BTG4: variants seen among roughly 807,000 people sequenced by gnomAD.
BTG4 encodes protein BTG4.
BTG4 carries 10 observed loss-of-function variants against 19.3 expected under a neutral mutation model. That is an observed-to-expected ratio of 0.52 (90% CI 0.32 to 0.88). The LOEUF is 0.88. BTG4 is among the 40% of genes least tolerant of loss of function. The pLI is 0.04. For missense variants in BTG4, 238 were observed against 281.9 expected (o/e 0.84, Z 1.11); for synonymous variants, 91 against 95.7 (o/e 0.95, Z 0.29).
the BTG4 span, among the ~76,000 whole-genome samples, chr11:111,419,850 C>G: frequency 3.1e-4 from 47 of 152,236 alleles, no homozygotes; most frequent in Admixed American, 7.2e-4. Flanking sequence ...CCCAGAGTCA[C>G]TCTTCACTAT....
At chr11:111,390,374 G>A in the BTG4 span, among the ~76,000 whole-genome samples, 3 of 152,186 alleles carry the variant, frequency 2.0e-5, no homozygotes, top group Admixed American at 6.5e-5. Flanking sequence ...CAGTGGAAGT[G>A]GGGAGAGGTA....
the BTG4 span, among the ~76,000 whole-genome samples, chr11:111,406,404 A>G: frequency 2.1e-3 from 327 of 152,294 alleles, no homozygotes; most frequent in African/African-American, 7.7e-3. Flanking sequence ...ACAGAGCACC[A>G]TCTCTCTTTG....
At chr11:111,513,625 A>T (rs1023758340), upstream of BTG4, 2 of 393,938 alleles carry the variant, frequency 5.1e-6, no homozygotes, top group Non-Finnish European at 1.0e-5. Flanking sequence ...AGCCAAAAGA[A>T]AAAAATCAAC....
downstream of BTG4, among the ~76,000 whole-genome samples, chr11:111,490,413 T>G (rs960700203): frequency 2.6e-5 from 4 of 152,132 alleles, no homozygotes; most frequent in Non-Finnish European, 5.9e-5. Context: ...AAACATCACA[T>G]GTACTCCACA....
chr11:111,493,652 G>A (rs1173602036), downstream of BTG4, among the ~76,000 whole-genome samples: 2 of 152,100 alleles, frequency 1.3e-5, no homozygotes, highest in Admixed American at 1.3e-4. Context: ...TGCCTTGAGA[G>A]AAATCTAGGG....
chr11:111,391,067 GT>G, the BTG4 span, among the ~76,000 whole-genome samples: 3 of 152,222 alleles, frequency 2.0e-5, no homozygotes, highest in Non-Finnish European at 4.4e-5. Flanking sequence ...AATAGAGTAT[GT>G]GCTCGATAAA....
intron 4 of BTG4, chr11:111,496,908 T>A: frequency 2.9e-6 from 1 of 347,964 alleles, no homozygotes. Flanking sequence ...AAAATCCCAC[T>A]AATCTTAATC....
the BTG4 span, chr11:111,397,584 A>G: frequency 3.9e-5 from 6 of 152,134 alleles, no homozygotes; most frequent in African/African-American, 1.4e-4. Context: ...ACTTACCCAG[A>G]GAGGACTTAT....
chr11:111,486,209 G>A (rs902953107), intron 5 of BTG4, among the ~76,000 whole-genome samples: 2 of 152,176 alleles, frequency 1.3e-5, no homozygotes, highest in Non-Finnish European at 2.9e-5. Context: ...GCCAAGGTGG[G>A]TAGATCACTT....
upstream of BTG4, among the ~76,000 whole-genome samples, chr11:111,512,761 G>A (rs1182737349): frequency 2.0e-5 from 3 of 152,036 alleles, no homozygotes; most frequent in African/African-American, 4.8e-5. Context: ...CGCTGGCCCA[G>A]CTACGCGTGT....
At chr11:111,391,187 C>T in the BTG4 span, among the ~76,000 whole-genome samples, 1 of 152,172 alleles carries the variant, frequency 6.6e-6, no homozygotes, top group Non-Finnish European at 1.5e-5. Flanking sequence ...TCCAGCCCAA[C>T]TATGTTAACG....
At chr11:111,430,882 C>A in the BTG4 span, among the ~76,000 whole-genome samples, 4 of 152,188 alleles carry the variant, frequency 2.6e-5, no homozygotes, top group Non-Finnish European at 5.9e-5. Flanking sequence ...TTTCACATCA[C>A]AATGCAACCC....
downstream of BTG4, chr11:111,494,741 A>G: frequency 2.9e-6 from 1 of 350,226 alleles, no homozygotes. Context: ...GCCTTTACAA[A>G]GATAGGGAGA....
chr11:111,438,877 A>G, the BTG4 span, among the ~76,000 whole-genome samples: 1 of 152,058 alleles, frequency 6.6e-6, no homozygotes, highest in Non-Finnish European at 1.5e-5. Flanking sequence ...TTCCATTTAT[A>G]CCTTCCCGGT....
the BTG4 span, among the ~76,000 whole-genome samples, chr11:111,398,792 T>G: frequency 1.3e-5 from 2 of 152,268 alleles, no homozygotes; most frequent in East Asian, 1.9e-4. Context: ...TTTTTGTTTT[T>G]TTTTTTAACA....
intron 5 of BTG4, among the ~76,000 whole-genome samples, chr11:111,479,364 C>T (rs533134219): frequency 6.6e-6 from 1 of 152,160 alleles, no homozygotes; most frequent in South Asian, 2.1e-4. Context: ...AATCCCAACA[C>T]TTCTGGAGGC....
the BTG4 span, among the ~76,000 whole-genome samples, chr11:111,440,223 G>A: frequency 6.6e-6 from 1 of 152,202 alleles, no homozygotes; most frequent in Non-Finnish European, 1.5e-5. Flanking sequence ...GGCTCCCAGA[G>A]AGAGTGTCCC....
At chr11:111,405,925 G>A in the BTG4 span, among the ~76,000 whole-genome samples, 988 of 152,306 alleles carry the variant, frequency 6.5e-3, 4 homozygotes, top group Non-Finnish European at 0.011. Flanking sequence ...AGCAAGTGCT[G>A]TATAGAGATT....
chr11:111,487,722 C>T (rs189493302), intron 5 of BTG4, among the ~76,000 whole-genome samples: 2 of 152,240 alleles, frequency 1.3e-5, no homozygotes, highest in Admixed American at 1.3e-4. Context: ...AAAGACTCCA[C>T]ACCAAAAATC....
Sources: allele counts gnomAD v4.1 joint callset (sites outside exome capture counted in the v4.1 genomes callset), GRCh38; gene constraint gnomAD v4.1.1; transcripts MANE v1.5; gene names NCBI Gene and HGNC (gene_info 2026-07-23, HGNC 2026-07-21).